The following SCUBE1 variants were observed in gnomAD, a reference collection of about 807,000 sequenced individuals.
SCUBE1 encodes signal peptide, CUB domain and EGF like domain containing 1.
In SCUBE1, 59 loss-of-function variants were observed where a neutral mutation model predicts 124.4. The ratio of observed to expected loss-of-function variants is 0.47; its 90% confidence interval spans 0.38 to 0.59. SCUBE1 has a LOEUF of 0.59. Among genes scored for constraint, SCUBE1 ranks in the 20% least tolerant of loss-of-function variants. The pLI, the probability that SCUBE1 is intolerant of heterozygous loss-of-function variation, is 0.00. For synonymous variants in SCUBE1, 545 were observed against 550.9 expected (o/e 0.99, Z 0.15); for missense variants, 1,150 against 1,371.2 (o/e 0.84, Z 2.55).
At chr22:43,244,272 C>T (rs535646125) in intron 6 of SCUBE1, among the ~76,000 whole-genome samples, 2 of 152,312 alleles carry the variant, frequency 1.3e-5, no homozygotes, top group Non-Finnish European at 2.9e-5. Flanking sequence ...CACCTGCCTC[C>T]CCGAAAGCTG....
intron 17 of SCUBE1, 70 bp downstream of exon 17, chr22:43,212,355 G>A: frequency 6.8e-7 from 1 of 1,480,434 alleles, no homozygotes; most frequent in Non-Finnish European, 9.1e-7. Context: ...GAGGGGTTCG[G>A]GGAAGCCTCT....
At chr22:43,217,356 C>G (rs969013304) in intron 15 of SCUBE1, among the ~76,000 whole-genome samples, 3 of 151,378 alleles carry the variant, frequency 2.0e-5, no homozygotes, top group Non-Finnish European at 2.9e-5. Context: ...AGTTTCCCTC[C>G]CCCCAGCCCA....
intron 4 of SCUBE1, among the ~76,000 whole-genome samples, chr22:43,280,242 A>T (rs1924710859): frequency 6.6e-6 from 1 of 152,066 alleles, no homozygotes; most frequent in Admixed American, 6.5e-5. Context: ...CGAAGAGAAC[A>T]AGGCCCCACC....
At chr22:43,287,114 G>A (rs1354134817) in intron 4 of SCUBE1, among the ~76,000 whole-genome samples, 2 of 152,214 alleles carry the variant, frequency 1.3e-5, no homozygotes, top group Non-Finnish European at 2.9e-5. Context: ...GGCTAGGGCT[G>A]AGTGGGAGGT....
chr22:43,317,563 A>G (rs933518537), intron 3 of SCUBE1, among the ~76,000 whole-genome samples: 3 of 152,214 alleles, frequency 2.0e-5, no homozygotes, highest in African/African-American at 7.2e-5. Flanking sequence ...ATCTACGGAC[A>G]TGCTCCTGCC....
chr22:43,210,024 C>T lies in SCUBE1; in HGVS notation c.2581+19G>A. The T allele has an allele frequency of 1.3e-6, 2 of 1,577,168 alleles. No homozygotes were observed. The highest frequency in any genetic ancestry group is 1.7e-6 in the Non-Finnish European group (2 of 1,160,136). On this transcript the variant is annotated intron_variant, in intron 19 of 21. Coordinates refer to ENST00000360835, the MANE Select transcript of SCUBE1 (RefSeq NM_173050.5). The surrounding 1 kb of genome is among the most constrained non-coding windows in gnomAD (Gnocchi z 4.5). ...CACGCAGCTGAGGCTGCCTCTGGTCCCCTCGGCCCCCAACATACCACTCTT... is the reference window on the plus strand; with the variant it reads ...CACGCAGCTGAGGCTGCCTCTGGTCTCCTCGGCCCCCAACATACCACTCTT...
intron 4 of SCUBE1, among the ~76,000 whole-genome samples, chr22:43,278,107 G>A (rs1924607394): frequency 6.6e-6 from 1 of 152,256 alleles, no homozygotes; most frequent in African/African-American, 2.4e-5. Flanking sequence ...TTATGGAGTG[G>A]GAGGCTCATA....
chr22:43,319,810 C>T (rs1328033966), intron 3 of SCUBE1, 127 bp downstream of exon 3: 7 of 1,183,740 alleles, frequency 5.9e-6, no homozygotes, highest in South Asian at 3.3e-5. Context: ...TTTGTTATGA[C>T]AACCCTGGCA....
At position 43,198,807 on chromosome 22, in the gene SCUBE1, TCTG is replaced by T. The variant is rs1421429690; in HGVS notation, c.*5187_*5189del. 1 of 432,564 alleles carries T rather than the reference TCTG, an allele frequency of 2.3e-6. No homozygotes were observed. The highest frequency in any genetic ancestry group is 2.0e-5 in the African/African-American group (1 of 49,796). The allele number at this position is 432,564 out of a possible 1,614,324, so 26.8% of individuals were successfully genotyped here. A position where few individuals can be genotyped will look rare whatever the true frequency, so the allele number is the denominator to read the frequency against. On this transcript the variant is annotated 3_prime_UTR_variant, in exon 22 of 22. Transcript: ENST00000360835. ...TGAGCAGGCTGTCCAGGGCAGCTTGTCTGCTGTCTGGGGCAGGGTGTCTGTCTA... is the reference window on the plus strand; with the variant it reads ...TGAGCAGGCTGTCCAGGGCAGCTTGTCTGTCTGGGGCAGGGTGTCTGTCTA...
intron 3 of SCUBE1, among the ~76,000 whole-genome samples, chr22:43,312,629 T>A (rs1477481081): frequency 1.3e-5 from 2 of 152,144 alleles, no homozygotes; most frequent in African/African-American, 4.8e-5. Flanking sequence ...TCAAGGATGA[T>A]GTGAGGTGCC....
intron 4 of SCUBE1, among the ~76,000 whole-genome samples, chr22:43,278,703 T>C (rs1408532986): frequency 1.3e-5 from 2 of 152,154 alleles, no homozygotes; most frequent in Non-Finnish European, 1.5e-5. Flanking sequence ...AGAACTGACA[T>C]TGGCCTCAGA....
intron 4 of SCUBE1, among the ~76,000 whole-genome samples, chr22:43,268,617 C>A (rs902655927): frequency 5.3e-5 from 8 of 152,258 alleles, no homozygotes; most frequent in African/African-American, 1.9e-4. Flanking sequence ...TGCTGCGTGA[C>A]CCTGGGCAAG....
At chr22:43,317,842 T>G (rs1042794007) in intron 3 of SCUBE1, among the ~76,000 whole-genome samples, 3 of 152,142 alleles carry the variant, frequency 2.0e-5, no homozygotes, top group Non-Finnish European at 4.4e-5. Flanking sequence ...CAGGTTAAGA[T>G]GAGATTGTTA....
At chr22:43,229,296 C>T in intron 8 of SCUBE1, 108 bp from the exon 9 acceptor site, 1 of 808,738 alleles carries the variant, frequency 1.2e-6, no homozygotes, top group Non-Finnish European at 2.1e-6. Flanking sequence ...ACACACAGTC[C>T]CTGGGCGCAG....
At position 43,234,294 on chromosome 22, in the gene SCUBE1, T is replaced by A. The variant is rs1922671938; in HGVS notation, c.845-2419A>T. ...CACCTCTCTGAGCCTTAGGATCCCA[T>A]CTGCAAACTGGGCTGCTAAATGGTG... On this transcript the variant is annotated intron_variant, in intron 7 of 21. Coordinates refer to ENST00000360835, the MANE Select transcript of SCUBE1 (RefSeq NM_173050.5). This position sits in a 1 kb window ranked among gnomAD's most constrained non-coding sequence, Gnocchi z 4.4. Among the ~76,000 whole-genome samples the A allele has an allele frequency of 1.3e-5, 2 of 152,158 alleles. No individual in the cohort carries two copies. The highest frequency in any genetic ancestry group is 6.5e-5 in the Admixed American group (1 of 15,280).
At chr22:43,238,340 G>A (rs1052312717) in intron 7 of SCUBE1, 3 of 227,966 alleles carry the variant, frequency 1.3e-5, no homozygotes, top group African/African-American at 6.8e-5. Flanking sequence ...CCCCCTAGTA[G>A]TGACACACTG....
rs927440168 is a variant in SCUBE1, at chr22:43,200,052, G to A, written c.*3945C>T. The A allele has an allele frequency of 6.6e-6, 1 of 152,262 alleles. No individual in the cohort carries two copies. The highest frequency in any genetic ancestry group is 1.9e-4 in the East Asian group (1 of 5,188). The allele number at this position is 152,262 out of a possible 1,614,324, so 9.4% of individuals were successfully genotyped here. A position where few individuals can be genotyped will look rare whatever the true frequency, so the allele number is the denominator to read the frequency against. ...GGGCAGAAAGGTCCCCCCACGCCTG[G>A]GTCCCACCTGACTCCTGGGAAGCTG... is the stretch of plus-strand genomic sequence containing the variant. On this transcript the variant is annotated 3_prime_UTR_variant, in exon 22 of 22. Transcript: ENST00000360835.
chr22:43,212,440 C>T lies in SCUBE1; in HGVS notation c.2206G>A (p.Asp736Asn), dbSNP rs570778063. ...GCATGCTCACCTTTAGCCTCGCAGT[C>T]CTGGAAGGAGGTGGTGCCTTCGTGT... The part of the protein sequence containing the change: ...TKHEGTTSFQ[D>N]CEAKVHCSPG... The change falls in exon 17 of 22, where the codon GAC becomes AAC. Residue 736 changes from aspartate to asparagine, a missense_variant. Transcript: ENST00000360835. 32 of 1,551,706 alleles carry T rather than the reference C, an allele frequency of 2.1e-5. No individual in the cohort carries two copies. The highest frequency in any genetic ancestry group is 1.8e-4 in the Middle Eastern group (1 of 5,410).
intron 4 of SCUBE1, among the ~76,000 whole-genome samples, chr22:43,279,210 A>C (rs1461217841): frequency 6.6e-6 from 1 of 152,138 alleles, no homozygotes; most frequent in African/African-American, 2.4e-5. Flanking sequence ...TGTACCCTAA[A>C]ACTCTCAGGT....
Sources: allele counts gnomAD v4.1 joint callset (sites outside exome capture counted in the v4.1 genomes callset), GRCh38; gene constraint gnomAD v4.1.1; non-coding constraint Gnocchi (gnomAD v3.1); transcripts MANE v1.5; gene names NCBI Gene and HGNC (gene_info 2026-07-23, HGNC 2026-07-21).